FAM83A: variants seen among roughly 807,000 people sequenced by gnomAD.
The protein encoded by FAM83A is protein FAM83A.
FAM83A carries 21 observed loss-of-function variants against 24.4 expected under a neutral mutation model. That is an observed-to-expected ratio of 0.86 (90% CI 0.61 to 1.24). The LOEUF (loss-of-function observed/expected upper bound fraction) is 1.24. FAM83A is among the 50% of genes most tolerant of loss of function. The probability of loss-of-function intolerance (pLI) is 0.00; values close to 1 mark genes in which losing one functional copy is unlikely to be tolerated. For missense variants in FAM83A, 617 were observed against 579.8 expected, an observed-to-expected ratio of 1.06 and a Z score of -0.66; for synonymous variants, 270 against 252.4, an observed-to-expected ratio of 1.07 and a Z score of -0.66.
At position 123,209,461 on chromosome 8, in the gene FAM83A, A is replaced by G. The variant is rs1223882818; in HGVS notation, c.*1773A>G. ...TAAACAAAACAAAACAAAAACAAAA[A>G]AACAAACAACACTTTGGTTCCTGAT... On this transcript the variant is annotated 3_prime_UTR_variant, in exon 4 of 4. Transcript: ENST00000690554. This position sits in a 1 kb window ranked among gnomAD's most constrained non-coding sequence, Gnocchi z 4.7. 5 of 1,614,194 alleles carry G rather than the reference A, an allele frequency of 3.1e-6. No individual in the cohort carries two copies. Among genetic ancestry groups the G allele is most frequent in the Non-Finnish European group, 4.2e-6 (5 of 1,180,042 alleles).
intron 3 of FAM83A, among the ~76,000 whole-genome samples, chr8:123,206,872 G>A (rs1046717147): frequency 2.0e-5 from 3 of 152,056 alleles, no homozygotes; most frequent in Non-Finnish European, 4.4e-5. Context: ...GGTCCCCCAG[G>A]AGGATCTTGG....
intron 3 of FAM83A, among the ~76,000 whole-genome samples, chr8:123,205,153 T>A (rs113985769): frequency 0.072 from 10,854 of 151,616 alleles, 1,123 homozygotes; most frequent in African/African-American, 0.23. Flanking sequence ...AGCTAAAGCA[T>A]GAGATGCGCG....
chr8:123,188,621 T>A (rs1316607544), intron 1 of FAM83A, among the ~76,000 whole-genome samples: 1 of 152,076 alleles, frequency 6.6e-6, no homozygotes, highest in Non-Finnish European at 1.5e-5. Context: ...GTAGCCGGGA[T>A]TACAGGCGTG....
At chr8:123,206,526 G>A (rs1184666802) in intron 3 of FAM83A, among the ~76,000 whole-genome samples, 2 of 152,212 alleles carry the variant, frequency 1.3e-5, no homozygotes, top group Non-Finnish European at 2.9e-5. Flanking sequence ...CACAGGTGGA[G>A]ACGAGAAGGC....
At chr8:123,201,739 G>GGTTGT (rs1231557554) in intron 3 of FAM83A, 1 of 152,258 alleles carries the variant, frequency 6.6e-6, no homozygotes, top group Non-Finnish European at 1.5e-5. Flanking sequence ...AGAGGGCTGA[G>GGTTGT]GTTGTGCATT....
At chr8:123,207,433 C>A in exon 4 of FAM83A, 1 of 1,608,226 alleles carries the variant, frequency 6.2e-7, no homozygotes, top group Non-Finnish European at 8.5e-7. Flanking sequence ...GAAGTGTGTC[C>A]GCGTCTTCAG....
At chr8:123,207,718 C>T (rs1824612589) in exon 4 of FAM83A, 2 of 1,439,512 alleles carry the variant, frequency 1.4e-6, no homozygotes, top group African/African-American at 1.5e-5. Flanking sequence ...CCTCCGCAGG[C>T]CCAGGGCTGG....
chr8:123,184,209 C>T lies in FAM83A; in HGVS notation c.480+873C>T, dbSNP rs144570860. ...TGCCTGCCCTGCTTTTCATTTGATA[C>T]ACACCTACTCCTGCTTCAGGACCCA... On this transcript the variant is annotated intron_variant, in intron 1 of 3. Coordinates refer to ENST00000690554, the Ensembl canonical transcript of FAM83A. Among the ~76,000 whole-genome samples the T allele has an allele frequency of 2.9e-3, 448 of 152,210 alleles. 5 individuals are homozygous for T. Among genetic ancestry groups the T allele is most frequent in the African/African-American group, 0.01 (425 of 41,514 alleles).
At chr8:123,191,855 T>C in exon 2 of FAM83A, 1 of 1,614,030 alleles carries the variant, frequency 6.2e-7, no homozygotes, top group Non-Finnish European at 8.5e-7. Context: ...TTCTGTGACA[T>C]TCTAGAGGCA....
chr8:123,204,776 A>G (rs868404207), intron 3 of FAM83A, among the ~76,000 whole-genome samples: 3 of 150,492 alleles, frequency 2.0e-5, no homozygotes, highest in Middle Eastern at 3.6e-3. Context: ...AAAAAAAAAG[A>G]AAGGAAACGC....
intron 1 of FAM83A, among the ~76,000 whole-genome samples, chr8:123,184,869 T>A (rs1442395329): frequency 6.6e-6 from 1 of 152,222 alleles, no homozygotes; most frequent in Non-Finnish European, 1.5e-5. Context: ...ATGCTGATGT[T>A]TGGGTTGGTT....
intron 3 of FAM83A, among the ~76,000 whole-genome samples, chr8:123,196,717 G>A (rs564632899): frequency 3.3e-5 from 5 of 152,244 alleles, no homozygotes; most frequent in South Asian, 2.1e-4. Flanking sequence ...CTATTTCACC[G>A]TAAGGCACAG....
At position 123,209,255 on chromosome 8, in the gene FAM83A, G is replaced by C; in HGVS notation, c.*1567G>C. 7.9e-7 allele frequency: 1 copy of C among 1,272,796 alleles called. No homozygotes were observed. Among genetic ancestry groups the C allele is most frequent in the Non-Finnish European group, 9.8e-7 (1 of 1,016,432 alleles). The allele number at this position is 1,272,796 out of a possible 1,614,324, so 78.8% of individuals were successfully genotyped here. A position where few individuals can be genotyped will look rare whatever the true frequency, so the allele number is the denominator to read the frequency against. On this transcript the variant is annotated 3_prime_UTR_variant, in exon 4 of 4. Transcript: ENST00000690554. This position sits in a 1 kb window ranked among gnomAD's most constrained non-coding sequence, Gnocchi z 4.7. The stretch of plus-strand genomic sequence containing the variant: ...AGAGCTCTTCCTCCTGGTGGCCTCT[G>C]ACCCCTGACGGCCTGTGGCATCCTC...
chr8:123,207,403 A>C (rs1156501772), exon 4 of FAM83A: 3 of 1,610,802 alleles, frequency 1.9e-6, no homozygotes, highest in South Asian at 2.2e-5. Flanking sequence ...GCCGCTCGGC[A>C]GGCAGCCACC....
intron 3 of FAM83A, among the ~76,000 whole-genome samples, chr8:123,195,683 T>G (rs1239197949): frequency 6.6e-6 from 1 of 152,164 alleles, no homozygotes; most frequent in East Asian, 1.9e-4. Context: ...AGGCCCACCT[T>G]CTGTCTCATA....
chr8:123,206,314 T>C (rs1824550929), intron 3 of FAM83A, among the ~76,000 whole-genome samples: 2 of 152,122 alleles, frequency 1.3e-5, no homozygotes, highest in South Asian at 4.1e-4. Flanking sequence ...AAACCACTCC[T>C]GTCAGCGTCA....
At chr8:123,187,468 G>A (rs771900127) in intron 1 of FAM83A, among the ~76,000 whole-genome samples, 9 of 152,220 alleles carry the variant, frequency 5.9e-5, no homozygotes, top group African/African-American at 7.2e-5. Context: ...TTGCAAAAAC[G>A]CAAAACAGTG....
chr8:123,194,668 G>A (rs989526990), intron 3 of FAM83A, among the ~76,000 whole-genome samples: 2 of 152,164 alleles, frequency 1.3e-5, no homozygotes, highest in Admixed American at 1.3e-4. Flanking sequence ...ATATTTAGTA[G>A]AGACGGGGTT....
chr8:123,184,911 T>TC (rs1823740730), intron 1 of FAM83A, among the ~76,000 whole-genome samples: 1 of 152,214 alleles, frequency 6.6e-6, no homozygotes, highest in African/African-American at 2.4e-5. Flanking sequence ...ATAACTGAAT[T>TC]CCCTCCCAAG....
Sources: gnomAD v4.1 joint callset for allele counts (sites outside exome capture counted in the v4.1 genomes callset) on GRCh38, gnomAD v4.1.1 for gene constraint, Gnocchi (gnomAD v3.1) non-coding constraint, MANE v1.5 for transcripts, NCBI Gene and HGNC (gene_info 2026-07-23, HGNC 2026-07-21) for gene names.